Variants in WDR25 observed in about 807,000 individuals in gnomAD.
The protein encoded by WDR25 is WD repeat-containing protein 25.
Under a neutral mutation model 47.7 loss-of-function variants are expected in WDR25, and 35 were observed. That is an observed-to-expected ratio of 0.73 (90% CI 0.56 to 0.97). The LOEUF (loss-of-function observed/expected upper bound fraction) is 0.97, where lower values mean the gene tolerates loss of function less well. Ranked by LOEUF, WDR25 falls within the 50% of genes least tolerant of loss-of-function variation. WDR25 has a pLI of 0.00. For missense variants in WDR25, 634 were observed against 704.7 expected, an observed-to-expected ratio of 0.90 and a Z score of 1.14; for synonymous variants, 248 against 278.9, an observed-to-expected ratio of 0.89 and a Z score of 1.10.
chr14:100,438,892 G>C (rs1190792260), intron 2 of WDR25, among the ~76,000 whole-genome samples: 1 of 152,250 alleles, frequency 6.6e-6, no homozygotes, highest in Non-Finnish European at 1.5e-5. Context: ...GCAGAGCTGG[G>C]ATTTGAACTC....
intron 4 of WDR25, among the ~76,000 whole-genome samples, chr14:100,491,589 G>A (rs1443845700): frequency 1.3e-5 from 2 of 152,230 alleles, no homozygotes; most frequent in African/African-American, 2.4e-5. Flanking sequence ...GTCGAGGTTC[G>A]TGTAAGCGCA....
In WDR25 at chr14:100,529,088, C is replaced by A; in HGVS notation, c.1293C>A (p.Ser431Arg). The A allele has an allele frequency of 6.4e-7, 1 of 1,560,400 alleles. No homozygotes were observed. Residue 431 changes from serine (S) to arginine (R), a missense_variant, in exon 6 of 7, where the codon AGC (serine) becomes AGA (arginine). Transcript: ENST00000402312. The surrounding 1 kb of genome is among the most constrained non-coding windows in gnomAD (Gnocchi z 5.1). Reference sequence around the variant, plus strand: ...CTCAGGAGAGGTTCACCTGCCCCAGCCTCGCCTTGCACCCGAGAGAGCCCG... The same window carrying A: ...CTCAGGAGAGGTTCACCTGCCCCAGACTCGCCTTGCACCCGAGAGAGCCCG... Reference protein sequence around the residue: ...QIFHERFTCPSLALHPREPVF... With the variant: ...QIFHERFTCPRLALHPREPVF...
chr14:100,525,985 C>T lies in WDR25; in HGVS notation c.1217C>T (p.Thr406Ile). 2.5e-6 allele frequency: 4 copies of T among 1,614,062 alleles called. No individual in the cohort carries two copies. Among genetic ancestry groups the T allele is most frequent in the East Asian group, 2.2e-5 (1 of 44,886 alleles). The change falls in exon 5 of 7, where the codon ACC (threonine) becomes ATC (isoleucine). Residue 406 changes from threonine to isoleucine, a missense_variant. Coordinates refer to ENST00000402312, the MANE Select transcript of WDR25 (RefSeq NM_001161476.3). The surrounding 1 kb of genome is among the most constrained non-coding windows in gnomAD (Gnocchi z 4.6). ...TCCACCCGGGACTCAGCTGACCGCA[C>T]CATTATTGCCTGGGATTTCCGGACC... ...DASTRDSADRTIIAWDFRTSA... is the reference protein window; with the variant it reads ...DASTRDSADRIIIAWDFRTSA...
At chr14:100,526,612 G>C (rs1595090322) in intron 5 of WDR25, among the ~76,000 whole-genome samples, 2 of 152,056 alleles carry the variant, frequency 1.3e-5, no homozygotes, top group East Asian at 1.9e-4. Flanking sequence ...GTCAGGCACG[G>C]GGAATGCTTC....
chr14:100,493,993 T>C (rs1353823374), intron 4 of WDR25, among the ~76,000 whole-genome samples: 3 of 152,236 alleles, frequency 2.0e-5, no homozygotes, highest in Non-Finnish European at 4.4e-5. Context: ...TGAGATATCC[T>C]CAAGCTCAAA....
intron 5 of WDR25, 23 bp downstream of exon 5, chr14:100,526,063 G>A (rs2030117715): frequency 8.1e-6 from 13 of 1,613,174 alleles, no homozygotes; most frequent in Non-Finnish European, 1.1e-5. Context: ...ATTTGGCATT[G>A]CTGTCAGTTT....
chr14:100,424,592 G>A lies in WDR25; in HGVS notation c.822+42846G>A, dbSNP rs945527812. On this transcript the variant is annotated intron_variant, in intron 2 of 6. Transcript: ENST00000402312. The surrounding 1 kb of genome is among the most constrained non-coding windows in gnomAD (Gnocchi z 4.2). ...ACTGCCTGTGGAGTCTGGGGCCCAG[G>A]GCCCTGCTGCCTGTCCAGTGTTTGC... 6.6e-6 allele frequency among the ~76,000 whole-genome samples: 1 copy of A among 152,152 alleles called. No homozygotes were observed. The highest frequency in any genetic ancestry group is 1.5e-5 in the Non-Finnish European group (1 of 68,026).
Position 100,523,356 on chromosome 14 carries a change from C to A in WDR25, c.1102-2514C>A, listed in dbSNP as rs912865131. On this transcript the variant is annotated intron_variant, in intron 4 of 6. Coordinates refer to ENST00000402312, the MANE Select transcript of WDR25 (RefSeq NM_001161476.3). The surrounding 1 kb of genome is among the most constrained non-coding windows in gnomAD (Gnocchi z 4.7). ...AGGGAGCACAGGGTTGCGTGTGAGC[C>A]CAGAGCAGTGCCTCCCCACCCCCTG... Among the ~76,000 whole-genome samples the A allele has an allele frequency of 1.3e-5, 2 of 152,106 alleles. No individual in the cohort carries two copies.
At chr14:100,401,225 A>G (rs924261570) in intron 2 of WDR25, among the ~76,000 whole-genome samples, 1 of 151,980 alleles carries the variant, frequency 6.6e-6, no homozygotes, top group African/African-American at 2.4e-5. Flanking sequence ...CCGTGGCTGC[A>G]GCCTCTGCCC....
intron 4 of WDR25, among the ~76,000 whole-genome samples, chr14:100,504,849 G>A (rs952694176): frequency 3.3e-5 from 5 of 152,092 alleles, no homozygotes; most frequent in African/African-American, 1.2e-4. Flanking sequence ...TCAGCAGTGT[G>A]GGAAAGTGTC....
intron 2 of WDR25, among the ~76,000 whole-genome samples, chr14:100,393,239 G>A (rs1897182859): frequency 6.6e-6 from 1 of 152,240 alleles, no homozygotes; most frequent in African/African-American, 2.4e-5. Flanking sequence ...TACACAGCCT[G>A]ACAACTGTAG....
intron 4 of WDR25, among the ~76,000 whole-genome samples, chr14:100,486,211 G>T (rs1246155707): frequency 6.6e-6 from 1 of 152,148 alleles, no homozygotes; most frequent in East Asian, 1.9e-4. Flanking sequence ...TCCCTTATGG[G>T]TGCGCTTACT....
chr14:100,505,434 A>G (rs1901078295), intron 4 of WDR25, among the ~76,000 whole-genome samples: 1 of 152,096 alleles, frequency 6.6e-6, no homozygotes, highest in Non-Finnish European at 1.5e-5. Flanking sequence ...GTTCTGTTCT[A>G]TTGATTGATG....
intron 3 of WDR25, among the ~76,000 whole-genome samples, chr14:100,471,812 A>G (rs1210152412): frequency 6.6e-6 from 1 of 152,242 alleles, no homozygotes; most frequent in Non-Finnish European, 1.5e-5. Context: ...TAGTTCTGAC[A>G]GGTTGTTGGC....
In WDR25 at chr14:100,513,330, G is replaced by A. The variant is rs565919163; in HGVS notation, c.1102-12540G>A. On this transcript the variant is annotated intron_variant, in intron 4 of 6. Transcript: ENST00000402312. ...TTATAAAAGGGCTGGAGGGAACAAG[G>A]TGGGCCCTTTTTTACTCTTCCATCT... Among the ~76,000 whole-genome samples, 15 of 152,294 alleles carry A rather than the reference G, an allele frequency of 9.8e-5. No individual in the cohort carries two copies. In the South Asian group the frequency reaches 2.7e-3, roughly 27 times the overall value.
intron 5 of WDR25, among the ~76,000 whole-genome samples, chr14:100,526,269 G>A (rs1189684428): frequency 2.0e-5 from 3 of 152,190 alleles, no homozygotes; most frequent in African/African-American, 7.2e-5. Flanking sequence ...CAACCCCACA[G>A]GGTAAGGGTC....
intron 4 of WDR25, among the ~76,000 whole-genome samples, chr14:100,511,044 G>A (rs530231656): frequency 6.6e-6 from 1 of 151,788 alleles, no homozygotes; most frequent in African/African-American, 2.4e-5. Flanking sequence ...TTTTACAATT[G>A]CTTTGCCAAT....
chr14:100,413,265 G>A (rs1897762605), intron 2 of WDR25, among the ~76,000 whole-genome samples: 1 of 152,136 alleles, frequency 6.6e-6, no homozygotes, highest in African/African-American at 2.4e-5. Flanking sequence ...CTCCAATCAA[G>A]GCACAGAACC....
intron 2 of WDR25, among the ~76,000 whole-genome samples, chr14:100,436,707 G>A (rs118129771): frequency 1.3e-5 from 2 of 152,154 alleles, no homozygotes; most frequent in Admixed American, 1.3e-4. Context: ...GTGTAGCTTG[G>A]TTTTACTTTG....
Sources: allele counts gnomAD v4.1 joint callset (sites outside exome capture counted in the v4.1 genomes callset), GRCh38; gene constraint gnomAD v4.1.1; non-coding constraint Gnocchi (gnomAD v3.1); transcripts MANE v1.5; gene names NCBI Gene and HGNC (gene_info 2026-07-23, HGNC 2026-07-21).